Variants in CTNNA3 observed in about 807,000 individuals in gnomAD.
The protein encoded by CTNNA3 is catenin alpha-3.
Under a neutral mutation model 95.7 loss-of-function variants are expected in CTNNA3, and 76 were observed. The ratio of observed to expected loss-of-function variants is 0.79; its 90% confidence interval spans 0.66 to 0.96. The LOEUF (loss-of-function observed/expected upper bound fraction) is 0.96, where lower values mean the gene tolerates loss of function less well. Among genes scored for constraint, CTNNA3 ranks in the 40% least tolerant of loss-of-function variants. CTNNA3 has a pLI of 0.00. For synonymous variants in CTNNA3, 431 were observed against 374.4 expected (o/e 1.15, Z -1.74); for missense variants, 1,191 against 1,089.8 (o/e 1.09, Z -1.31).
At chr10:66,604,625 G>T (rs921327728) in intron 10 of CTNNA3, among the ~76,000 whole-genome samples, 1 of 151,980 alleles carries the variant, frequency 6.6e-6, no homozygotes, top group Non-Finnish European at 1.5e-5. Context: ...AAGAACCAAA[G>T]AACACTCTCA....
At chr10:66,307,839 T>G (rs2132248596) in intron 12 of CTNNA3, among the ~76,000 whole-genome samples, 1 of 152,334 alleles carries the variant, frequency 6.6e-6, no homozygotes, top group Non-Finnish European at 1.5e-5. Flanking sequence ...TAAATAAGGT[T>G]TACTAACTGA....
chr10:67,185,276 C>T (rs1265949193), intron 6 of CTNNA3, among the ~76,000 whole-genome samples: 11 of 151,904 alleles, frequency 7.2e-5, no homozygotes, highest in African/African-American at 2.2e-4. Context: ...TACAGGTACA[C>T]GTCACCACAT....
At chr10:67,244,492 T>C (rs944483622) in intron 5 of CTNNA3, among the ~76,000 whole-genome samples, 4 of 152,178 alleles carry the variant, frequency 2.6e-5, no homozygotes, top group African/African-American at 9.7e-5. Context: ...AAATTTCAGG[T>C]ATTCTGAAAA....
chr10:67,338,804 C>CAA (rs1192294376), intron 5 of CTNNA3, among the ~76,000 whole-genome samples: 7 of 152,024 alleles, frequency 4.6e-5, no homozygotes, highest in East Asian at 1.9e-4. Flanking sequence ...CTGTAGCCAC[C>CAA]AAAAAGCAAA....
intron 5 of CTNNA3, among the ~76,000 whole-genome samples, chr10:67,489,951 T>C (rs1306441047): frequency 6.6e-6 from 1 of 152,126 alleles, no homozygotes; most frequent in Non-Finnish European, 1.5e-5. Flanking sequence ...TGTCTTTTTG[T>C]ATCTAGGTCA....
chr10:66,685,321 GTGTGTATA>G (rs1564617406), intron 9 of CTNNA3, among the ~76,000 whole-genome samples: 669 of 21,902 alleles, frequency 0.031, 15 homozygotes, highest in East Asian at 0.13. Flanking sequence ...GTGTGTGTAT[GTGTGTATA>G]TATATATATA....
At chr10:66,886,424 T>C (rs1195407390) in intron 7 of CTNNA3, among the ~76,000 whole-genome samples, 1 of 152,116 alleles carries the variant, frequency 6.6e-6, no homozygotes, top group African/African-American at 2.4e-5. Context: ...TCTGCCTTCA[T>C]CACATCCCTG....
At chr10:66,705,262 C>T (rs10822896) in intron 9 of CTNNA3, among the ~76,000 whole-genome samples, 35,851 of 151,848 alleles carry the variant, frequency 0.24, 5,594 homozygotes, top group East Asian at 0.56. Context: ...ATTAGATTTG[C>T]CCACATCTTA....
chr10:66,445,577 G>T (rs1349739656), intron 11 of CTNNA3, among the ~76,000 whole-genome samples: 1 of 151,908 alleles, frequency 6.6e-6, no homozygotes, highest in Non-Finnish European at 1.5e-5. Flanking sequence ...ATGACTACTG[G>T]GTACATAACA....
At chr10:66,537,147 G>C (rs1336863904) in intron 10 of CTNNA3, among the ~76,000 whole-genome samples, 1 of 152,006 alleles carries the variant, frequency 6.6e-6, no homozygotes, top group African/African-American at 2.4e-5. Context: ...AATAACTCGA[G>C]TGGTTTCTTC....
intron 5 of CTNNA3, among the ~76,000 whole-genome samples, chr10:67,318,115 T>C (rs773019218): frequency 1.1e-4 from 16 of 152,290 alleles, no homozygotes; most frequent in Non-Finnish European, 2.1e-4. Context: ...TATTAGGTAT[T>C]TACTACTTGT....
chr10:67,202,836 C>T lies in CTNNA3; in HGVS notation c.843+16771G>A, dbSNP rs183889622. Among the ~76,000 whole-genome samples the T allele has an allele frequency of 3.4e-4, 51 of 151,788 alleles. No homozygotes were observed. In the East Asian group the frequency reaches 9.3e-3, roughly 28 times the overall value. On this transcript the variant is annotated intron_variant, in intron 6 of 17. Coordinates refer to ENST00000433211, the MANE Select transcript of CTNNA3 (RefSeq NM_013266.4). ...TTTTATTATATTATTATGATGGTAC[C>T]TACAGCCATATAAAAAGGGAACTCT... is the stretch of plus-strand genomic sequence containing the variant.
At chr10:66,919,661 G>A (rs970278999) in intron 7 of CTNNA3, among the ~76,000 whole-genome samples, 4 of 152,168 alleles carry the variant, frequency 2.6e-5, no homozygotes, top group African/African-American at 7.2e-5. Context: ...ATCTAAGTCA[G>A]AGATATTCAC....
chr10:66,106,965 G>T (rs748849174), intron 13 of CTNNA3, among the ~76,000 whole-genome samples: 3 of 152,064 alleles, frequency 2.0e-5, no homozygotes, highest in East Asian at 1.9e-4. Flanking sequence ...TGCTAAACAG[G>T]GTTTAATATA....
chr10:67,088,014 C>A (rs1019423607), intron 7 of CTNNA3, among the ~76,000 whole-genome samples: 2 of 151,666 alleles, frequency 1.3e-5, no homozygotes, highest in Non-Finnish European at 1.5e-5. Context: ...AAGACATAAT[C>A]TAAAAACAGA....
chr10:67,737,240 T>C (rs1229448372), intron 1 of CTNNA3, among the ~76,000 whole-genome samples: 2 of 152,152 alleles, frequency 1.3e-5, no homozygotes, highest in African/African-American at 4.8e-5. Context: ...TACATGCTCC[T>C]GAATGACCAA....
intron 13 of CTNNA3, among the ~76,000 whole-genome samples, chr10:66,104,929 A>G (rs951194396): frequency 1.3e-5 from 2 of 152,226 alleles, no homozygotes; most frequent in Admixed American, 6.5e-5. Flanking sequence ...ATTAGCTCAT[A>G]TTATATAGCA....
chr10:66,544,612 G>C (rs942593162), intron 10 of CTNNA3, among the ~76,000 whole-genome samples: 1 of 152,008 alleles, frequency 6.6e-6, no homozygotes, highest in Non-Finnish European at 1.5e-5. Context: ...CCTTAAACTT[G>C]TATGACCATC....
chr10:66,626,850 G>A (rs761718191), intron 9 of CTNNA3, among the ~76,000 whole-genome samples: 1 of 151,984 alleles, frequency 6.6e-6, no homozygotes, highest in African/African-American at 2.4e-5. Context: ...GAGGTGTAAG[G>A]ACTGTATAAT....
Sources: allele counts gnomAD v4.1 joint callset (sites outside exome capture counted in the v4.1 genomes callset), GRCh38; gene constraint gnomAD v4.1.1; transcripts MANE v1.5; gene names NCBI Gene and HGNC (gene_info 2026-07-23, HGNC 2026-07-21).